Variants in CELF2 observed in about 807,000 individuals in gnomAD.
CELF2 encodes CUG triplet repeat RNA-binding protein 2.
A neutral mutation model predicts 62.6 loss-of-function variants in CELF2; 8 were observed. That is an observed-to-expected ratio of 0.13 (90% CI 0.07 to 0.23). The LOEUF is 0.23. Ranked by LOEUF, CELF2 falls within the 10% of genes least tolerant of loss-of-function variation. The probability of loss-of-function intolerance (pLI) is 1.00; values close to 1 mark genes in which losing one functional copy is unlikely to be tolerated. For synonymous variants in CELF2, 258 were observed against 250.0 expected (o/e 1.03, Z -0.30); for missense variants, 333 against 671.0 (o/e 0.50, Z 5.56).
chr10:11,127,301 G>T (rs150325263), intron 1 of CELF2, among the ~76,000 whole-genome samples: 17 of 152,210 alleles, frequency 1.1e-4, no homozygotes, highest in African/African-American at 4.1e-4. Flanking sequence ...CATTGATGGA[G>T]ATTTGGGTTG....
At chr10:10,652,757 G>A in the CELF2 span, among the ~76,000 whole-genome samples, 11 of 151,948 alleles carry the variant, frequency 7.2e-5, no homozygotes, top group East Asian at 1.9e-4. Flanking sequence ...GGTACCAGCC[G>A]CTGCAAAATC....
At chr10:11,225,475 A>G (rs1356689560) in intron 3 of CELF2, among the ~76,000 whole-genome samples, 1 of 152,140 alleles carries the variant, frequency 6.6e-6, no homozygotes, top group African/African-American at 2.4e-5. Flanking sequence ...AAATCTCTAC[A>G]CTGTGACTTA....
intron 2 of CELF2, among the ~76,000 whole-genome samples, chr10:11,170,446 G>A (rs1457329608): frequency 6.6e-6 from 1 of 152,192 alleles, no homozygotes; most frequent in Non-Finnish European, 1.5e-5. Context: ...GAAGAGCAGG[G>A]AGAGGCCGGT....
the CELF2 span, among the ~76,000 whole-genome samples, chr10:10,534,410 A>G: frequency 6.6e-6 from 1 of 152,296 alleles, no homozygotes; most frequent in Non-Finnish European, 1.5e-5. Context: ...CAAAGAGGGC[A>G]GAGAGAGAAA....
the CELF2 span, among the ~76,000 whole-genome samples, chr10:10,788,628 A>G: frequency 5.9e-5 from 9 of 151,816 alleles, no homozygotes; most frequent in Admixed American, 1.3e-4. Flanking sequence ...AGGCATGGCT[A>G]ATCTTTGTAT....
chr10:11,173,281 G>A (rs1156342499), intron 2 of CELF2, among the ~76,000 whole-genome samples: 1 of 152,148 alleles, frequency 6.6e-6, no homozygotes, highest in East Asian at 1.9e-4. Flanking sequence ...GGGTGACGCT[G>A]TTAGTTACTC....
the CELF2 span, among the ~76,000 whole-genome samples, chr10:10,752,181 G>C: frequency 2.6e-5 from 4 of 152,214 alleles, no homozygotes; most frequent in Non-Finnish European, 5.9e-5. Context: ...TCCCAGGAGA[G>C]AGTCAGGCCT....
At chr10:10,574,017 A>G in the CELF2 span, among the ~76,000 whole-genome samples, 21 of 152,212 alleles carry the variant, frequency 1.4e-4, no homozygotes, top group Non-Finnish European at 2.8e-4. Flanking sequence ...GATCAATTTG[A>G]TCTGATCTGG....
In CELF2 at chr10:11,008,172, A is replaced by G. The variant is rs376117187; in HGVS notation, c.53+2732A>G. On this transcript the variant is annotated intron_variant, in intron 1 of 12. Transcript: ENST00000416382. This position sits in a 1 kb window ranked among gnomAD's most constrained non-coding sequence, Gnocchi z 4.5. ...TCTATATGTAATGATTCCTCAAGGTAGTGACTTTAACAAATGTTGGAGGAA... is the reference window on the plus strand; with the variant it reads ...TCTATATGTAATGATTCCTCAAGGTGGTGACTTTAACAAATGTTGGAGGAA... Among the ~76,000 whole-genome samples the G allele has an allele frequency of 9.2e-5, 14 of 152,344 alleles. No homozygotes were observed. The highest frequency in any genetic ancestry group is 3.4e-4 in the African/African-American group (14 of 41,576).
the CELF2 span, among the ~76,000 whole-genome samples, chr10:10,683,202 T>C: frequency 2.6e-5 from 4 of 152,218 alleles, no homozygotes; most frequent in African/African-American, 7.2e-5. Flanking sequence ...ACACAGAAAC[T>C]GATCAGCTAT....
chr10:10,506,158 C>T, the CELF2 span, among the ~76,000 whole-genome samples: 8 of 151,844 alleles, frequency 5.3e-5, no homozygotes, highest in Non-Finnish European at 1.2e-4. Flanking sequence ...AAAATTTCCT[C>T]ACATTTTCCT....
rs547800329 is a variant in CELF2, at chr10:11,244,128, G to A, written c.355-5025G>A. ...GGCCAGGGTCCCTAGTCATGGGGAA[G>A]CAGTTGAGAAGCAACAGTTCTGACC... On this transcript the variant is annotated intron_variant, in intron 3 of 12. Coordinates refer to ENST00000633077, the MANE Select transcript of CELF2 (RefSeq NM_001326342.2). The surrounding 1 kb of genome is among the most constrained non-coding windows in gnomAD (Gnocchi z 4.2). Among the ~76,000 whole-genome samples the A allele has an allele frequency of 5.2e-5, 8 of 152,384 alleles. No individual in the cohort carries two copies. In the East Asian group the frequency reaches 1.2e-3, roughly 22 times the overall value.
chr10:11,059,975 T>G (rs1476080234), intron 1 of CELF2, among the ~76,000 whole-genome samples: 2 of 152,258 alleles, frequency 1.3e-5, no homozygotes, highest in East Asian at 1.9e-4. Context: ...ATAGTTCTTT[T>G]TCTTGGATTC....
the CELF2 span, among the ~76,000 whole-genome samples, chr10:10,631,184 G>C: frequency 1.3e-5 from 2 of 152,244 alleles, no homozygotes; most frequent in East Asian, 3.9e-4. Flanking sequence ...TTTCTAAATG[G>C]AAGACTTTAG....
chr10:10,975,795 G>A (rs1832626845), intron 2 of CELF2, among the ~76,000 whole-genome samples: 1 of 152,220 alleles, frequency 6.6e-6, no homozygotes, highest in African/African-American at 2.4e-5. Context: ...GAAAGAAATC[G>A]AGGGCAAGCC....
At chr10:10,477,483 G>A in the CELF2 span, among the ~76,000 whole-genome samples, 1 of 151,994 alleles carries the variant, frequency 6.6e-6, no homozygotes, top group Non-Finnish European at 1.5e-5. Context: ...AACATCTGGT[G>A]GGCATTCAGT....
At chr10:10,780,804 G>A in the CELF2 span, among the ~76,000 whole-genome samples, 1 of 152,174 alleles carries the variant, frequency 6.6e-6, no homozygotes, top group Non-Finnish European at 1.5e-5. Context: ...AAGCCAAGGG[G>A]CTTATATAAT....
the CELF2 span, among the ~76,000 whole-genome samples, chr10:10,710,927 T>G: frequency 1.3e-5 from 2 of 152,152 alleles, no homozygotes; most frequent in Non-Finnish European, 2.9e-5. Flanking sequence ...AAAATTAAGG[T>G]GAGTGCTAAG....
chr10:10,616,295 G>GGGGGGT, the CELF2 span, among the ~76,000 whole-genome samples: 288 of 143,956 alleles, frequency 2.0e-3, 1 homozygote, highest in Admixed American at 3.2e-3. Flanking sequence ...TTTTGTTTGG[G>GGGGGGT]GTGTGTGTGT....
Sources: allele counts gnomAD v4.1 joint callset (sites outside exome capture counted in the v4.1 genomes callset), GRCh38; gene constraint gnomAD v4.1.1; non-coding constraint Gnocchi (gnomAD v3.1); transcripts MANE v1.5; gene names NCBI Gene and HGNC (gene_info 2026-07-23, HGNC 2026-07-21).